Variants in PSMC3IP observed in about 807,000 individuals in gnomAD.
PSMC3IP encodes PSMC3 interacting protein, also known as homologous-pairing protein 2 homolog.
A neutral mutation model predicts 34.9 loss-of-function variants in PSMC3IP; 26 were observed. The observed-to-expected ratio is 0.74, with a 90% CI of 0.55 to 1.03. PSMC3IP has a LOEUF of 1.03. PSMC3IP is among the 50% of genes least tolerant of loss of function. The pLI, the probability that PSMC3IP is intolerant of heterozygous loss-of-function variation, is 0.00. For synonymous variants in PSMC3IP, 87 were observed against 96.5 expected, an observed-to-expected ratio of 0.90 and a Z score of 0.57; for missense variants, 250 against 263.1, an observed-to-expected ratio of 0.95 and a Z score of 0.34.
At position 42,572,796 on chromosome 17, in the gene PSMC3IP, C is replaced by T; in HGVS notation, c.*172G>A. On this transcript the variant is annotated 3_prime_UTR_variant, in exon 8 of 8. Coordinates refer to ENST00000393795, the MANE Select transcript of PSMC3IP (RefSeq NM_016556.4). ...GGCTGGGTCTACCCCCAGCCACCAG[C>T]CCTCATCCTCTCTACCCAGTGCTCT... The T allele has an allele frequency of 1.3e-6, 1 of 779,234 alleles. No individual in the cohort carries two copies. Among genetic ancestry groups the T allele is most frequent in the South Asian group, 1.5e-5 (1 of 68,918 alleles). The allele number at this position is 779,234 out of a possible 1,614,324, so 48.3% of individuals were successfully genotyped here.
At chr17:42,576,148 C>G (rs1270082071) in intron 3 of PSMC3IP, among the ~76,000 whole-genome samples, 1 of 152,184 alleles carries the variant, frequency 6.6e-6, no homozygotes, top group East Asian at 1.9e-4. Context: ...AAAGAAAGAG[C>G]TGGCCAGGAA....
chr17:42,573,875 T>C (rs2093054789), intron 4 of PSMC3IP: 2 of 1,531,770 alleles, frequency 1.3e-6, no homozygotes, highest in African/African-American at 1.4e-5. Flanking sequence ...GTGGGGACAG[T>C]GTACTGATAA....
intron 4 of PSMC3IP, chr17:42,573,879 C>T (rs1234680689): frequency 3.9e-6 from 6 of 1,531,806 alleles, no homozygotes; most frequent in Non-Finnish European, 5.2e-6. Context: ...GGACAGTGTA[C>T]TGATAATCGT....
chr17:42,573,292 G>A lies in PSMC3IP; in HGVS notation c.537+19C>T, dbSNP rs772243530. 8 of 1,613,996 alleles carry A rather than the reference G, an allele frequency of 5.0e-6. No homozygotes were observed. Among genetic ancestry groups the A allele is most frequent in the African/African-American group, 1.3e-5 (1 of 75,004 alleles). Reference sequence around the variant, plus strand: ...CAAAGGCACCTCCAGGGCCTGTCTCGGAGCTCCCACACACTTACCATCCTC... The same window carrying A: ...CAAAGGCACCTCCAGGGCCTGTCTCAGAGCTCCCACACACTTACCATCCTC... On this transcript the variant is annotated intron_variant, in intron 6 of 7. Coordinates refer to ENST00000393795, the MANE Select transcript of PSMC3IP (RefSeq NM_016556.4).
chr17:42,576,205 AAC>A (rs1236651028), intron 3 of PSMC3IP, among the ~76,000 whole-genome samples: 3 of 152,236 alleles, frequency 2.0e-5, no homozygotes, highest in Non-Finnish European at 4.4e-5. Flanking sequence ...AGAGCAGTAA[AAC>A]ACACCAGAAT....
At chr17:42,575,981 A>C (rs930261451) in intron 3 of PSMC3IP, among the ~76,000 whole-genome samples, 2 of 152,108 alleles carry the variant, frequency 1.3e-5, no homozygotes, top group Non-Finnish European at 2.9e-5. Flanking sequence ...AGATTGTGCC[A>C]CTGCACTCCA....
At position 42,577,687 on chromosome 17, in the gene PSMC3IP, C is replaced by T. The variant is rs141089568; in HGVS notation, c.-1G>A. On this transcript the variant is annotated 5_prime_UTR_variant, in exon 1 of 8. Transcript: ENST00000393795. ...CAGCTTCTGCCCGGCCTTTACTCATCGCCTTTCCCGCCACCCAACTCAGAA... is the reference window on the plus strand; with the variant it reads ...CAGCTTCTGCCCGGCCTTTACTCATTGCCTTTCCCGCCACCCAACTCAGAA... 16 of 1,613,950 alleles carry T rather than the reference C, an allele frequency of 9.9e-6. No individual in the cohort carries two copies. The African/African-American group carries it at 1.9e-4, about 19-fold the overall frequency.
At chr17:42,573,964 A>T (rs1249974678) in intron 4 of PSMC3IP, 135 bp downstream of exon 4, 2 of 1,540,254 alleles carry the variant, frequency 1.3e-6, no homozygotes, top group South Asian at 2.4e-5. Flanking sequence ...ATTTCTTTTT[A>T]TGCCTAAGGG....
At position 42,572,904 on chromosome 17, in the gene PSMC3IP, C is replaced by G; in HGVS notation, c.*64G>C. ...CAAAAGCCAACCAAAAACAAGGTAG[C>G]CAGTGCAAGACATCTCACTCTTCTG... On this transcript the variant is annotated 3_prime_UTR_variant, in exon 8 of 8. Transcript: ENST00000393795. 1 of 1,572,104 alleles carries G rather than the reference C, an allele frequency of 6.4e-7. No homozygotes were observed. Among genetic ancestry groups the G allele is most frequent in the Non-Finnish European group, 8.7e-7 (1 of 1,143,390 alleles).
chr17:42,575,111 G>A lies in PSMC3IP; in HGVS notation c.226-901C>T, dbSNP rs139672386. On this transcript the variant is annotated intron_variant, in intron 3 of 7. Transcript: ENST00000393795. ...GTCTGAGGAGCTTCTCTCATGAGGG[G>A]CCATTGCTAGAAAAGAACTGCACTG... Among the ~76,000 whole-genome samples the A allele has an allele frequency of 4.0e-3, 606 of 152,262 alleles. 3 individuals are homozygous for A. Among genetic ancestry groups the A allele is most frequent in the Non-Finnish European group, 7.4e-3 (501 of 68,010 alleles).
At position 42,572,636 on chromosome 17, in the gene PSMC3IP, G is replaced by A. The variant is rs2093041071; in HGVS notation, c.*332C>T. The stretch of plus-strand genomic sequence containing the variant: ...CCTTCCTCAGGTTTGATATCTGGCA[G>A]GTTTGACTATCCAGAGGAAATTAAA... On this transcript the variant is annotated 3_prime_UTR_variant, in exon 8 of 8. Coordinates refer to ENST00000393795, the MANE Select transcript of PSMC3IP (RefSeq NM_016556.4). 2.2e-6 allele frequency: 1 copy of A among 444,454 alleles called. No individual in the cohort carries two copies. Among genetic ancestry groups the A allele is most frequent in the African/African-American group, 2.0e-5 (1 of 49,598 alleles). The allele number at this position is 444,454 out of a possible 1,614,324, so 27.5% of individuals were successfully genotyped here.
rs778611812 is a variant in PSMC3IP at position 42,574,159 on chromosome 17, T to C, written c.277A>G (p.Ile93Val). 14 of 1,614,048 alleles carry C rather than the reference T, an allele frequency of 8.7e-6. No homozygotes were observed. Among genetic ancestry groups the C allele is most frequent in the Non-Finnish European group, 1.1e-5 (13 of 1,180,032 alleles). ...TGCACCTTAGCAGTGAGGGCCACGATTTTGCCATCTAGGACTTGAAGGTCA... is the reference window on the plus strand; with the variant it reads ...TGCACCTTAGCAGTGAGGGCCACGACTTTGCCATCTAGGACTTGAAGGTCA... ...DADLQVLDGKIVALTAKVQSL... is the reference protein window; with the variant it reads ...DADLQVLDGKVVALTAKVQSL... Residue 93 changes from isoleucine (I) to valine (V), a missense_variant, in exon 4 of 8, where the codon ATC (isoleucine) becomes GTC (valine). Coordinates refer to ENST00000393795, the MANE Select transcript of PSMC3IP (RefSeq NM_016556.4).
chr17:42,576,952 T>G, intron 3 of PSMC3IP: 1 of 657,130 alleles, frequency 1.5e-6, no homozygotes, highest in East Asian at 4.1e-5. Flanking sequence ...CTAATGTAGA[T>G]GATAAGGAAT....
In PSMC3IP at chr17:42,572,626, A is replaced by C; in HGVS notation, c.*342T>G. 2 of 447,916 alleles carry C rather than the reference A, an allele frequency of 4.5e-6. No individual in the cohort carries two copies. The highest frequency in any genetic ancestry group is 2.4e-5 in the Admixed American group (1 of 42,148). 27.7% of individuals were successfully genotyped at this position (447,916 alleles called of 1,614,324 possible). A position where few individuals can be genotyped will look rare whatever the true frequency, so the allele number is the denominator to read the frequency against. On this transcript the variant is annotated 3_prime_UTR_variant, in exon 8 of 8. Coordinates refer to ENST00000393795, the MANE Select transcript of PSMC3IP (RefSeq NM_016556.4). ...TTCACTTCTGCCTTCCTCAGGTTTG[A>C]TATCTGGCAGGTTTGACTATCCAGA...
Position 42,573,595 on chromosome 17 carries a change from G to T in PSMC3IP, c.366C>A (p.Thr122=). The T allele has an allele frequency of 1.9e-6, 3 of 1,614,084 alleles. No homozygotes were observed. The highest frequency in any genetic ancestry group is 2.5e-6 in the Non-Finnish European group (3 of 1,179,978). The change falls in exon 5 of 8, where the codon ACC becomes ACA. Residue 122 remains threonine (T), a synonymous_variant. Transcript: ENST00000393795. The part of the protein sequence containing the change: ...AELKELSSAL[T]TPEMQKEIQE... ...GGATTTCTTTCTGCATCTCTGGTGTGGTCAGGGCACTAGATAATTCCTTGA... is the reference window on the plus strand; with the variant it reads ...GGATTTCTTTCTGCATCTCTGGTGTTGTCAGGGCACTAGATAATTCCTTGA...
intron 1 of PSMC3IP, 30 bp from the exon 2 acceptor site, chr17:42,577,591 A>G (rs1241109041): frequency 2.5e-6 from 4 of 1,614,058 alleles, no homozygotes; most frequent in East Asian, 2.2e-5. Flanking sequence ...GGAGGGGGCC[A>G]CTCAACCGAC....
intron 4 of PSMC3IP, 182 bp from the exon 5 acceptor site, chr17:42,573,805 G>A: frequency 1.3e-6 from 2 of 1,525,678 alleles, no homozygotes; most frequent in Non-Finnish European, 1.8e-6. Context: ...AGTGGCGTGG[G>A]TGTGAGGTTG....
In PSMC3IP at chr17:42,573,463, A is replaced by G. The variant is rs758624648; in HGVS notation, c.483+15T>C. ...CTCTGGACCTGCACAGCGGTCCTAC[A>G]GCCTTCCAGCTCACCTGCTCTTTCT... On this transcript the variant is annotated intron_variant, in intron 5 of 7. Transcript: ENST00000393795. 7 of 1,614,238 alleles carry G rather than the reference A, an allele frequency of 4.3e-6. No individual in the cohort carries two copies. Among genetic ancestry groups the G allele is most frequent in the African/African-American group, 1.3e-5 (1 of 75,050 alleles).
intron 3 of PSMC3IP, among the ~76,000 whole-genome samples, chr17:42,575,796 C>T (rs966739573): frequency 2.7e-5 from 4 of 145,850 alleles, no homozygotes; most frequent in Non-Finnish European, 4.5e-5. Flanking sequence ...ATCACGAGGT[C>T]AGGAGATCAA....
Sources: gnomAD v4.1 joint callset for allele counts (sites outside exome capture counted in the v4.1 genomes callset) on GRCh38, gnomAD v4.1.1 for gene constraint, MANE v1.5 for transcripts, NCBI Gene and HGNC (gene_info 2026-07-23, HGNC 2026-07-21) for gene names.